LINGO1: variants seen among roughly 807,000 people sequenced by gnomAD.
The protein encoded by LINGO1 is leucine rich repeat and Ig domain containing 1.
LINGO1 carries 11 observed loss-of-function variants against 37.3 expected under a neutral mutation model. The ratio of observed to expected loss-of-function variants is 0.29; its 90% CI spans 0.19 to 0.49. LINGO1 has a LOEUF of 0.49. Among genes scored for constraint, LINGO1 ranks in the 20% least tolerant of loss-of-function variants. The probability of loss-of-function intolerance (pLI) is 0.99; values close to 1 mark genes in which losing one functional copy is unlikely to be tolerated. For synonymous variants in LINGO1, 387 were observed against 403.0 expected, an observed-to-expected ratio of 0.96 and a Z score of 0.48; for missense variants, 585 against 878.2, an observed-to-expected ratio of 0.67 and a Z score of 4.22.
chr15:77,737,764 C>G (rs2076217563), intron 1 of LINGO1, among the ~76,000 whole-genome samples: 1 of 152,144 alleles, frequency 6.6e-6, no homozygotes, highest in Admixed American at 6.5e-5. Flanking sequence ...CATTTTATCT[C>G]TGGGTTTCCA....
At chr15:77,701,587 T>C (rs754733720) in intron 2 of LINGO1, among the ~76,000 whole-genome samples, 25 of 152,288 alleles carry the variant, frequency 1.6e-4, no homozygotes, top group South Asian at 1.0e-3. Flanking sequence ...GTTTGGGTCA[T>C]AGGGGCAGAT....
chr15:77,809,509 T>C (rs567696697), intron 1 of LINGO1, among the ~76,000 whole-genome samples: 4 of 152,320 alleles, frequency 2.6e-5, no homozygotes, highest in South Asian at 4.1e-4. Context: ...GGATCTAGCA[T>C]ATAGTCACTG....
chr15:77,770,850 G>A (rs1019654807), intron 1 of LINGO1, among the ~76,000 whole-genome samples: 7 of 152,210 alleles, frequency 4.6e-5, no homozygotes, highest in African/African-American at 1.7e-4. Context: ...GCCGGAGAGA[G>A]CACCCAGATG....
intron 1 of LINGO1, among the ~76,000 whole-genome samples, chr15:77,777,527 C>T (rs948174019): frequency 2.0e-5 from 3 of 151,868 alleles, no homozygotes; most frequent in East Asian, 1.9e-4. Flanking sequence ...TGCGAGTGCA[C>T]GCCATTCACT....
upstream of LINGO1, among the ~76,000 whole-genome samples, chr15:77,636,998 G>C (rs773312169): frequency 6.6e-6 from 1 of 152,188 alleles, no homozygotes; most frequent in Non-Finnish European, 1.5e-5. Flanking sequence ...GCTCGGTATA[G>C]AGCCTTCCTG....
chr15:77,721,053 G>A (rs1278148810), intron 2 of LINGO1, among the ~76,000 whole-genome samples: 1 of 151,986 alleles, frequency 6.6e-6, no homozygotes, highest in Non-Finnish European at 1.5e-5. Context: ...CGCCCCTCCT[G>A]CCTCAATGCT....
intron 1 of LINGO1, among the ~76,000 whole-genome samples, chr15:77,760,389 C>T (rs530926900): frequency 2.0e-5 from 3 of 152,336 alleles, no homozygotes; most frequent in Admixed American, 6.5e-5. Flanking sequence ...ACAGGGGTTA[C>T]GAACTGAGCA....
At chr15:77,721,312 A>G (rs1031005255) in intron 2 of LINGO1, among the ~76,000 whole-genome samples, 1 of 151,688 alleles carries the variant, frequency 6.6e-6, no homozygotes, top group South Asian at 2.1e-4. Flanking sequence ...GGGCCTTGGT[A>G]TGTGCTCTTC....
chr15:77,616,519 C>G (rs532416565), intron 1 of LINGO1, among the ~76,000 whole-genome samples: 1 of 152,338 alleles, frequency 6.6e-6, no homozygotes, highest in South Asian at 2.1e-4. Context: ...TGCAGTAAAC[C>G]AATGGCACCT....
intron 2 of LINGO1, among the ~76,000 whole-genome samples, chr15:77,702,073 C>T (rs1007058314): frequency 1.3e-5 from 2 of 152,076 alleles, no homozygotes; most frequent in Non-Finnish European, 2.9e-5. Flanking sequence ...GCCTGAAGGC[C>T]CACACTAGAG....
chr15:77,732,942 C>T (rs918998597), intron 2 of LINGO1, among the ~76,000 whole-genome samples: 5 of 152,182 alleles, frequency 3.3e-5, no homozygotes, highest in South Asian at 2.1e-4. Context: ...GACTGATAGC[C>T]CTCCCCACCG....
intron 2 of LINGO1, among the ~76,000 whole-genome samples, chr15:77,689,513 AC>A (rs1433529831): frequency 6.6e-6 from 1 of 152,060 alleles, no homozygotes; most frequent in African/African-American, 2.4e-5. Flanking sequence ...AATGGGGGCC[AC>A]CTCACCTGGG....
At chr15:77,779,804 C>T (rs2076697381) in intron 1 of LINGO1, among the ~76,000 whole-genome samples, 1 of 152,164 alleles carries the variant, frequency 6.6e-6, no homozygotes, top group Admixed American at 6.5e-5. Flanking sequence ...AAGCAAGCTC[C>T]ATGATGACAG....
chr15:77,776,571 C>T (rs2076657508), intron 1 of LINGO1, among the ~76,000 whole-genome samples: 1 of 93,948 alleles, frequency 1.1e-5, no homozygotes, highest in African/African-American at 3.9e-5. Context: ...CTGACTCTGG[C>T]AGAGCCCTCA....
intron 2 of LINGO1, among the ~76,000 whole-genome samples, chr15:77,688,020 A>G (rs1028326897): frequency 6.6e-5 from 10 of 152,130 alleles, no homozygotes; most frequent in African/African-American, 2.4e-4. Flanking sequence ...TCCTGTCTGA[A>G]ACCTCCATCC....
At chr15:77,642,141 C>T (rs1567481421) in intron 3 of LINGO1, among the ~76,000 whole-genome samples, 1 of 152,184 alleles carries the variant, frequency 6.6e-6, no homozygotes, top group Non-Finnish European at 1.5e-5. Context: ...CTCAGGGGCT[C>T]CTAATTAGAT....
At chr15:77,619,184 T>C (rs1034752506) in intron 1 of LINGO1, among the ~76,000 whole-genome samples, 1 of 152,138 alleles carries the variant, frequency 6.6e-6, no homozygotes, top group Non-Finnish European at 1.5e-5. Flanking sequence ...TCTCACCTGC[T>C]AGAGAGTGAG....
Position 77,615,868 on chromosome 15 carries a change from C to T in LINGO1, c.39G>A (p.Arg13=). Reference sequence around the variant, plus strand: ...AGGCCAGGAGGGGGCTGGGCATGCTCCTCACGCCCCCCGCCAGCATCCTCT... The same window carrying T: ...AGGCCAGGAGGGGGCTGGGCATGCTTCTCACGCCCCCCGCCAGCATCCTCT... ...VSKRMLAGGV[R]SMPSPLLACW... The change falls in exon 2 of 2, where the codon AGG becomes AGA. Residue 13 remains arginine (R), a synonymous_variant. Coordinates refer to ENST00000355300, the MANE Select transcript of LINGO1 (RefSeq NM_032808.7). The T allele has an allele frequency of 6.8e-7, 1 of 1,476,922 alleles. No individual in the cohort carries two copies. The allele number at this position is 1,476,922 out of a possible 1,614,324, so 91.5% of individuals were successfully genotyped here.
intron 3 of LINGO1, among the ~76,000 whole-genome samples, chr15:77,639,749 CA>C (rs934575160): frequency 6.6e-6 from 1 of 152,138 alleles, no homozygotes; most frequent in Non-Finnish European, 1.5e-5. Context: ...AGTTTAAAAA[CA>C]AGCCCCAAGC....
Sources: gnomAD v4.1 joint callset for allele counts (sites outside exome capture counted in the v4.1 genomes callset) on GRCh38, gnomAD v4.1.1 for gene constraint, MANE v1.5 for transcripts, NCBI Gene and HGNC (gene_info 2026-07-23, HGNC 2026-07-21) for gene names.